EYS: variants seen among roughly 807,000 people sequenced by gnomAD.
EYS encodes the protein protein eyes shut homolog.
In EYS, 250 loss-of-function variants were observed where a neutral mutation model predicts 282.1. The ratio of observed to expected loss-of-function variants is 0.89; its 90% CI spans 0.80 to 0.98. The LOEUF is 0.98. Among genes scored for constraint, EYS ranks in the 50% least tolerant of loss-of-function variants. The probability of loss-of-function intolerance (pLI) is 0.00; values close to 1 mark genes in which losing one functional copy is unlikely to be tolerated. For synonymous variants in EYS, 1,355 were observed against 1,282.9 expected, an observed-to-expected ratio of 1.06 and a Z score of -1.20; for missense variants, 4,016 against 3,709.0, an observed-to-expected ratio of 1.08 and a Z score of -2.15.
intron 31 of EYS, among the ~76,000 whole-genome samples, chr6:64,186,399 G>A (rs1386491353): frequency 1.3e-5 from 2 of 152,026 alleles, no homozygotes; most frequent in African/African-American, 4.8e-5. Flanking sequence ...ACATTAAGAA[G>A]ATTAAAACAT....
intron 26 of EYS, among the ~76,000 whole-genome samples, chr6:64,517,767 C>T (rs1237900157): frequency 2.0e-5 from 3 of 151,862 alleles, no homozygotes; most frequent in Non-Finnish European, 2.9e-5. Flanking sequence ...TACTCTAGCA[C>T]ACATGTTCTT....
At chr6:64,110,944 G>A (rs1773183005) in intron 31 of EYS, among the ~76,000 whole-genome samples, 1 of 151,960 alleles carries the variant, frequency 6.6e-6, no homozygotes, top group African/African-American at 2.4e-5. Context: ...TACTGAATTA[G>A]AACCTATAAA....
chr6:64,481,885 T>G (rs1776448050), intron 26 of EYS, among the ~76,000 whole-genome samples: 1 of 151,694 alleles, frequency 6.6e-6, no homozygotes, highest in Non-Finnish European at 1.5e-5. Flanking sequence ...ATTTAAGGAT[T>G]TAAGTGTGAT....
intron 22 of EYS, among the ~76,000 whole-genome samples, chr6:64,664,352 C>G (rs1372592104): frequency 6.6e-6 from 1 of 152,128 alleles, no homozygotes; most frequent in African/African-American, 2.4e-5. Context: ...CTCTTTACTA[C>G]CTGATTGGTT....
intron 2 of EYS, among the ~76,000 whole-genome samples, chr6:65,497,902 G>A (rs968989768): frequency 1.3e-5 from 2 of 152,034 alleles, no homozygotes; most frequent in Admixed American, 1.3e-4. Context: ...AATAGCATTA[G>A]TCTAGTTTCA....
chr6:63,908,258 C>T (rs12208322), intron 35 of EYS, among the ~76,000 whole-genome samples: 48,489 of 150,902 alleles, frequency 0.32, 8,127 homozygotes, highest in African/African-American at 0.4. Context: ...TAAAACCACA[C>T]GAGATACCAT....
At chr6:65,220,020 C>T (rs143214956) in intron 12 of EYS, among the ~76,000 whole-genome samples, 2 of 152,008 alleles carry the variant, frequency 1.3e-5, no homozygotes, top group Admixed American at 6.6e-5. Flanking sequence ...AAAGGCAAAC[C>T]ATATCAATAA....
At chr6:63,865,802 T>C (rs891089234) in intron 35 of EYS, among the ~76,000 whole-genome samples, 1 of 152,198 alleles carries the variant, frequency 6.6e-6, no homozygotes, top group Non-Finnish European at 1.5e-5. Context: ...ATGAAGGTGT[T>C]TCCTTTTCTA....
intron 36 of EYS, among the ~76,000 whole-genome samples, chr6:63,811,746 C>T (rs188699058): frequency 6.6e-6 from 1 of 152,204 alleles, no homozygotes; most frequent in Non-Finnish European, 1.5e-5. Flanking sequence ...GTATTCTTTC[C>T]CCCAACCCAA....
At chr6:64,259,807 G>A (rs1767526838) in intron 30 of EYS, among the ~76,000 whole-genome samples, 2 of 149,138 alleles carry the variant, frequency 1.3e-5, no homozygotes, top group South Asian at 2.1e-4. Flanking sequence ...CCCCTCTTTT[G>A]CAGATATAGA....
intron 22 of EYS, among the ~76,000 whole-genome samples, chr6:64,747,490 C>T (rs536288782): frequency 6.6e-6 from 1 of 152,264 alleles, no homozygotes; most frequent in East Asian, 2.0e-4. Flanking sequence ...AAGCAATTCT[C>T]CTACCTCAGA....
At chr6:65,141,698 T>C (rs978846206) in intron 12 of EYS, among the ~76,000 whole-genome samples, 3 of 151,372 alleles carry the variant, frequency 2.0e-5, no homozygotes, top group Admixed American at 6.6e-5. Flanking sequence ...TAGAAAGGAA[T>C]GAATACAAAC....
chr6:64,368,110 A>G (rs1283282962), intron 29 of EYS, among the ~76,000 whole-genome samples: 1 of 152,034 alleles, frequency 6.6e-6, no homozygotes, highest in Non-Finnish European at 1.5e-5. Flanking sequence ...TCCGCCTTCA[A>G]GTAGGTCCTG....
intron 13 of EYS, among the ~76,000 whole-genome samples, chr6:65,014,756 C>T (rs112840217): frequency 0.018 from 2,693 of 152,246 alleles, 38 homozygotes; most frequent in Middle Eastern, 0.058. Flanking sequence ...ATGATGCCCT[C>T]CCACTCCCTT....
chr6:64,412,668 C>G (rs1328292189), intron 28 of EYS: 3 of 151,994 alleles, frequency 2.0e-5, no homozygotes, highest in Non-Finnish European at 4.4e-5. Flanking sequence ...GAAGCATGTA[C>G]TGTATTCTTC....
chr6:64,899,352 A>G (rs1165354014), intron 18 of EYS, among the ~76,000 whole-genome samples: 2 of 152,144 alleles, frequency 1.3e-5, no homozygotes, highest in African/African-American at 2.4e-5. Context: ...CTGAATGACT[A>G]CTGGGTAAAT....
chr6:65,481,791 C>T (rs1042135329), intron 5 of EYS, among the ~76,000 whole-genome samples: 3 of 152,026 alleles, frequency 2.0e-5, no homozygotes, highest in East Asian at 1.9e-4. Context: ...AGGATGGTCT[C>T]GATCTCCTTA....
At chr6:64,151,501 C>T (rs914610210) in intron 31 of EYS, among the ~76,000 whole-genome samples, 7 of 150,880 alleles carry the variant, frequency 4.6e-5, no homozygotes, top group Admixed American at 3.3e-4. Context: ...GCTGGGACTA[C>T]AGGCTTGCGC....
chr6:64,216,241 C>T (rs753673860), intron 31 of EYS, among the ~76,000 whole-genome samples: 1 of 152,126 alleles, frequency 6.6e-6, no homozygotes, highest in Non-Finnish European at 1.5e-5. Context: ...TAATCATGTG[C>T]AAGAACAAAT....
Sources: allele counts gnomAD v4.1 joint callset (sites outside exome capture counted in the v4.1 genomes callset), GRCh38; gene constraint gnomAD v4.1.1; transcripts MANE v1.5; gene names NCBI Gene and HGNC (gene_info 2026-07-23, HGNC 2026-07-21).